The following LPP variants were observed in gnomAD, a reference collection of about 807,000 sequenced individuals.
LPP encodes the protein lipoma-preferred partner.
In LPP, 38 loss-of-function variants were observed where a neutral mutation model predicts 60.4. The observed-to-expected ratio is 0.63, with a 90% CI of 0.49 to 0.83. The LOEUF is 0.83. Among genes scored for constraint, LPP ranks in the 40% least tolerant of loss-of-function variants. LPP has a pLI of 0.00. For synonymous variants in LPP, 328 were observed against 290.8 expected (o/e 1.13, Z -1.30); for missense variants, 902 against 783.6 (o/e 1.15, Z -1.80).
chr3:188,298,123 A>C (rs1425281627), intron 2 of LPP, among the ~76,000 whole-genome samples: 1 of 152,198 alleles, frequency 6.6e-6, no homozygotes, highest in Non-Finnish European at 1.5e-5. Context: ...ATCCTTTGCA[A>C]ACCTATCTCT....
intron 4 of LPP, among the ~76,000 whole-genome samples, chr3:188,455,847 A>G (rs1797615554): frequency 6.6e-6 from 1 of 152,140 alleles, no homozygotes; most frequent in Admixed American, 6.6e-5. Flanking sequence ...CGGTAAATCT[A>G]TTTTTGTTCA....
chr3:188,727,511 A>G (rs1326694898), intron 8 of LPP, among the ~76,000 whole-genome samples: 2 of 152,158 alleles, frequency 1.3e-5, no homozygotes, highest in Non-Finnish European at 2.9e-5. Flanking sequence ...TATTAAAATA[A>G]CTTTGATATT....
intron 4 of LPP, among the ~76,000 whole-genome samples, chr3:188,462,465 C>T (rs1464512): frequency 0.46 from 66,000 of 143,236 alleles, 15,654 homozygotes; most frequent in African/African-American, 0.55. Context: ...ATATGAGCTT[C>T]ATATATAGCA....
chr3:188,276,695 T>TCTCTCTCTCTCTCTCTCTCTCTC (rs1739908128), intron 2 of LPP, among the ~76,000 whole-genome samples: 1 of 16,404 alleles, frequency 6.1e-5, no homozygotes, highest in African/African-American at 4.4e-4. Context: ...CTCTCTCTCT[T>TCTCTCTCTCTCTCTCTCTCTCTC]TCTCTCTCTC....
At chr3:188,647,438 C>T (rs930829272) in intron 7 of LPP, among the ~76,000 whole-genome samples, 5 of 152,176 alleles carry the variant, frequency 3.3e-5, no homozygotes, top group African/African-American at 4.8e-5. Context: ...ACTTGATTCA[C>T]TTGTTCCTTT....
At chr3:188,261,382 A>G (rs777530112) in intron 2 of LPP, among the ~76,000 whole-genome samples, 16 of 152,128 alleles carry the variant, frequency 1.1e-4, no homozygotes, top group Non-Finnish European at 1.9e-4. Flanking sequence ...ACATACACAC[A>G]TGCAACTTTT....
chr3:188,325,116 G>A (rs1758050154), intron 2 of LPP, among the ~76,000 whole-genome samples: 1 of 152,098 alleles, frequency 6.6e-6, no homozygotes, highest in Admixed American at 6.5e-5. Flanking sequence ...GAGTAGCTGG[G>A]ATTACAGGCA....
At chr3:188,843,367 G>C (rs187362362) in intron 9 of LPP, among the ~76,000 whole-genome samples, 38 of 152,314 alleles carry the variant, frequency 2.5e-4, no homozygotes, top group South Asian at 1.9e-3. Context: ...TCAAGTGGCA[G>C]CTCTGCGCTG....
chr3:188,765,889 G>T (rs1230218992), intron 9 of LPP, among the ~76,000 whole-genome samples: 18 of 37,652 alleles, frequency 4.8e-4, no homozygotes, highest in African/African-American at 9.5e-4. Flanking sequence ...TTTTTTTTTG[G>T]AGACAGGGTC....
intron 3 of LPP, among the ~76,000 whole-genome samples, chr3:188,403,931 G>C (rs1253241960): frequency 1.3e-5 from 2 of 152,036 alleles, no homozygotes; most frequent in Non-Finnish European, 2.9e-5. Flanking sequence ...AAAAGGTACG[G>C]GGGAAAGAAA....
intron 4 of LPP, among the ~76,000 whole-genome samples, chr3:188,478,421 C>A (rs981006532): frequency 2.0e-5 from 3 of 152,012 alleles, no homozygotes; most frequent in African/African-American, 7.3e-5. Flanking sequence ...TTTCATGAAA[C>A]CCTTTTTTTC....
chr3:188,812,980 A>G (rs1418634052), intron 9 of LPP, among the ~76,000 whole-genome samples: 2 of 152,156 alleles, frequency 1.3e-5, no homozygotes, highest in Admixed American at 6.5e-5. Context: ...CCAAACTAAT[A>G]AAAGGATTGA....
At chr3:188,638,309 C>A (rs1270232068) in intron 7 of LPP, among the ~76,000 whole-genome samples, 408 of 129,008 alleles carry the variant, frequency 3.2e-3, no homozygotes, top group South Asian at 6.5e-3. Context: ...TGACAAAATT[C>A]AACAGCCCTT....
intron 7 of LPP, among the ~76,000 whole-genome samples, chr3:188,628,312 T>C (rs575256688): frequency 2.6e-5 from 4 of 151,944 alleles, no homozygotes; most frequent in African/African-American, 9.6e-5. Flanking sequence ...AACCAAAAGC[T>C]GTTTTTTTTT....
intron 7 of LPP, among the ~76,000 whole-genome samples, chr3:188,670,975 A>T (rs540345825): frequency 6.6e-6 from 1 of 152,292 alleles, no homozygotes; most frequent in South Asian, 2.1e-4. Flanking sequence ...CTAACCCAAT[A>T]GGGCAATTTC....
chr3:188,603,413 T>C (rs1240411327), intron 6 of LPP, among the ~76,000 whole-genome samples: 1 of 151,892 alleles, frequency 6.6e-6, no homozygotes, highest in Non-Finnish European at 1.5e-5. Context: ...GAGAGGTGGA[T>C]GGTTTTTAAA....
intron 3 of LPP, among the ~76,000 whole-genome samples, chr3:188,397,123 T>TAA (rs1781136051): frequency 6.6e-6 from 1 of 152,194 alleles, no homozygotes; most frequent in Non-Finnish European, 1.5e-5. Flanking sequence ...CATTGCCTTT[T>TAA]ACCTACCCCA....
At chr3:188,851,700 A>T (rs1762714415) in intron 9 of LPP, among the ~76,000 whole-genome samples, 1 of 152,270 alleles carries the variant, frequency 6.6e-6, no homozygotes, top group Non-Finnish European at 1.5e-5. Flanking sequence ...TGCTAGAAAC[A>T]TCAATTTAAA....
In LPP at chr3:188,544,938, G is replaced by A. The variant is rs560757072; in HGVS notation, c.429+20151G>A. Among the ~76,000 whole-genome samples, 269 of 29,646 alleles carry A rather than the reference G, an allele frequency of 9.1e-3. 3 individuals carry two copies. Among genetic ancestry groups the A allele is most frequent in the South Asian group, 0.032 (29 of 916 alleles). 19.4% of individuals were successfully genotyped at this position (29,646 alleles called of 152,430 possible). A position where few individuals can be genotyped will look rare whatever the true frequency, so the allele number is the denominator to read the frequency against. ...ACTATGCAGCCATAAAAAATGATGA[G>A]TTCATGTCCTTTGTAGGGACATGGA... On this transcript the variant is annotated intron_variant, in intron 6 of 11. Coordinates refer to ENST00000617246, the MANE Select transcript of LPP (RefSeq NM_001375462.1).
Sources: allele counts gnomAD v4.1 joint callset (sites outside exome capture counted in the v4.1 genomes callset), GRCh38; gene constraint gnomAD v4.1.1; transcripts MANE v1.5; gene names NCBI Gene and HGNC (gene_info 2026-07-23, HGNC 2026-07-21).